The following MED12L variants were observed in gnomAD, a reference collection of about 807,000 sequenced individuals.
MED12L encodes the protein mediator complex subunit 12L.
Under a neutral mutation model 281.3 loss-of-function variants are expected in MED12L, and 60 were observed. The ratio of observed to expected loss-of-function variants is 0.21; its 90% confidence interval spans 0.17 to 0.26. MED12L has a LOEUF of 0.26. Among genes scored for constraint, MED12L ranks in the 10% least tolerant of loss-of-function variants. The pLI, the probability that MED12L is intolerant of heterozygous loss-of-function variation, is 1.00. For missense variants in MED12L, 2,146 were observed against 2,680.9 expected (o/e 0.80, Z 4.41); for synonymous variants, 974 against 987.2 (o/e 0.99, Z 0.25).
At chr3:151,109,032 G>A (rs1038232852) in intron 2 of MED12L, among the ~76,000 whole-genome samples, 3 of 152,032 alleles carry the variant, frequency 2.0e-5, no homozygotes, top group African/African-American at 7.2e-5. Flanking sequence ...GGATGCAGTT[G>A]GAGGTTACCC....
chr3:151,253,419 A>C (rs1737210156), intron 16 of MED12L, among the ~76,000 whole-genome samples: 1 of 152,094 alleles, frequency 6.6e-6, no homozygotes, highest in Admixed American at 6.6e-5. Context: ...TTCATTTCCA[A>C]ACACACCTTC....
At chr3:151,263,941 A>G (rs1307207579) in intron 16 of MED12L, among the ~76,000 whole-genome samples, 1 of 152,206 alleles carries the variant, frequency 6.6e-6, no homozygotes, top group Admixed American at 6.5e-5. Flanking sequence ...AATTGTAGAA[A>G]GGCAGATAAC....
chr3:151,132,678 C>T (rs1034664592), intron 5 of MED12L, among the ~76,000 whole-genome samples: 5 of 152,168 alleles, frequency 3.3e-5, no homozygotes, highest in African/African-American at 1.2e-4. Context: ...GTTCCTTTCT[C>T]TATATTCTTA....
chr3:151,228,894 A>G (rs1731058227), intron 16 of MED12L, among the ~76,000 whole-genome samples: 1 of 152,176 alleles, frequency 6.6e-6, no homozygotes, highest in African/African-American at 2.4e-5. Context: ...GGGCCAGGCA[A>G]GGAAATGAAT....
intron 2 of MED12L, among the ~76,000 whole-genome samples, chr3:151,097,655 C>T (rs1338776130): frequency 3.3e-5 from 5 of 152,210 alleles, no homozygotes; most frequent in Non-Finnish European, 2.9e-5. Flanking sequence ...CTTTCTCTCT[C>T]CTCAGGATGT....
At chr3:151,349,284 A>G (rs1323593511) in intron 16 of MED12L, among the ~76,000 whole-genome samples, 2 of 152,128 alleles carry the variant, frequency 1.3e-5, no homozygotes, top group African/African-American at 2.4e-5. Context: ...CACTGTGCCT[A>G]TGGGGTGGTG....
intron 16 of MED12L, among the ~76,000 whole-genome samples, chr3:151,335,739 G>A (rs1750893459): frequency 6.6e-6 from 1 of 152,120 alleles, no homozygotes; most frequent in African/African-American, 2.4e-5. Flanking sequence ...TTTTGAATGG[G>A]TTTAGTTTGA....
At chr3:151,292,394 C>G (rs1744376671) in intron 16 of MED12L, among the ~76,000 whole-genome samples, 1 of 150,500 alleles carries the variant, frequency 6.6e-6, no homozygotes, top group East Asian at 2.0e-4. Flanking sequence ...TCAAAAGATT[C>G]TCCTGCCTCA....
At chr3:151,408,762 G>A (rs1405326803) in intron 39 of MED12L, among the ~76,000 whole-genome samples, 1 of 152,244 alleles carries the variant, frequency 6.6e-6, no homozygotes, top group African/African-American at 2.4e-5. Flanking sequence ...AGTACTAAAT[G>A]TATTCCTTGA....
At chr3:151,283,256 A>C (rs1267607860) in intron 16 of MED12L, among the ~76,000 whole-genome samples, 1 of 152,224 alleles carries the variant, frequency 6.6e-6, no homozygotes, top group Non-Finnish European at 1.5e-5. Flanking sequence ...TCTAATCCCA[A>C]TTAGTTGAAG....
At chr3:151,357,111 T>G (rs1370553511) in intron 19 of MED12L, 102 bp from the exon 20 acceptor site, 2 of 958,844 alleles carry the variant, frequency 2.1e-6, no homozygotes, top group African/African-American at 3.3e-5. Flanking sequence ...GGGAATGTAT[T>G]TGTAGTGTAA....
intron 16 of MED12L, among the ~76,000 whole-genome samples, chr3:151,218,899 A>AG (rs997528177): frequency 6.0e-5 from 7 of 117,548 alleles, no homozygotes; most frequent in South Asian, 6.2e-4. Context: ...AAAAAAAAAG[A>AG]GGGGGGGTAT....
At chr3:151,125,598 TG>T (rs1005892423) in intron 4 of MED12L, among the ~76,000 whole-genome samples, 3 of 152,244 alleles carry the variant, frequency 2.0e-5, no homozygotes, top group Admixed American at 6.5e-5. Context: ...CCTTTTGGCA[TG>T]TCTGAATGAG....
At chr3:151,414,249 A>G (rs963886652) in intron 42 of MED12L, among the ~76,000 whole-genome samples, 7 of 152,318 alleles carry the variant, frequency 4.6e-5, no homozygotes, top group South Asian at 2.1e-4. Flanking sequence ...AGCTTGTCCT[A>G]TGTTATTGGA....
At chr3:151,169,117 T>G (rs570809692) in intron 11 of MED12L, among the ~76,000 whole-genome samples, 1,677 of 145,904 alleles carry the variant, frequency 0.011, 15 homozygotes, top group Non-Finnish European at 0.018. Flanking sequence ...TTTTTTTTTT[T>G]TTTTGTTTTT....
At chr3:151,196,170 T>C (rs1368016980) in intron 16 of MED12L, among the ~76,000 whole-genome samples, 1 of 152,240 alleles carries the variant, frequency 6.6e-6, no homozygotes, top group East Asian at 1.9e-4. Flanking sequence ...AGTGACCACA[T>C]GTCATAATGA....
chr3:151,152,203 G>C (rs1359227575), intron 5 of MED12L, among the ~76,000 whole-genome samples: 1 of 146,380 alleles, frequency 6.8e-6, no homozygotes, highest in Non-Finnish European at 1.5e-5. Flanking sequence ...GGGCTCAAGC[G>C]GCCTTCTGAC....
chr3:151,371,207 C>T (rs1756143590), intron 26 of MED12L, among the ~76,000 whole-genome samples: 1 of 152,122 alleles, frequency 6.6e-6, no homozygotes, highest in Admixed American at 6.6e-5. Context: ...CTACCATGCC[C>T]TAACCAACTC....
At chr3:151,401,778 G>C (rs1715714103) in intron 39 of MED12L, among the ~76,000 whole-genome samples, 1 of 152,154 alleles carries the variant, frequency 6.6e-6, no homozygotes, top group Non-Finnish European at 1.5e-5. Context: ...GAAAACCACT[G>C]TCCTGGTAAA....
Sources: gnomAD v4.1 joint callset for allele counts (sites outside exome capture counted in the v4.1 genomes callset) on GRCh38, gnomAD v4.1.1 for gene constraint, MANE v1.5 for transcripts, NCBI Gene and HGNC (gene_info 2026-07-23, HGNC 2026-07-21) for gene names.